UBL3: variants seen among roughly 807,000 people sequenced by gnomAD.
UBL3 encodes the protein ubiquitin like 3.
Under a neutral mutation model 18.4 loss-of-function variants are expected in UBL3, and 6 were observed. The ratio of observed to expected loss-of-function variants is 0.33; its 90% CI spans 0.18 to 0.64. The LOEUF is 0.64. UBL3 is among the 30% of genes least tolerant of loss of function. UBL3 has a pLI of 0.76. For synonymous variants in UBL3, 49 were observed against 46.6 expected (o/e 1.05, Z -0.21); for missense variants, 109 against 142.9 (o/e 0.76, Z 1.21).
At chr13:29,796,391 A>T (rs1048808061) in intron 1 of UBL3, among the ~76,000 whole-genome samples, 3 of 152,220 alleles carry the variant, frequency 2.0e-5, no homozygotes, top group Non-Finnish European at 4.4e-5. Context: ...TTAGATTTTA[A>T]ACTGCAATTA....
At chr13:29,834,403 C>T (rs894602297) in intron 1 of UBL3, among the ~76,000 whole-genome samples, 5 of 151,864 alleles carry the variant, frequency 3.3e-5, no homozygotes, top group Admixed American at 2.0e-4. Context: ...ATAATACAGT[C>T]TTTCTCTTTA....
intron 1 of UBL3, chr13:29,777,541 T>C: frequency 1.9e-6 from 1 of 518,148 alleles, no homozygotes; most frequent in South Asian, 1.6e-5. Flanking sequence ...ATTTAATCAC[T>C]CCAACAATGT....
At chr13:29,842,823 C>T (rs111229611) in intron 1 of UBL3, among the ~76,000 whole-genome samples, 2,266 of 152,186 alleles carry the variant, frequency 0.015, 57 homozygotes, top group African/African-American at 0.05. Flanking sequence ...GAAAATTAGC[C>T]CTCCTAAAAA....
chr13:29,788,870 T>TGTGTGTGTGTGCGCGC (rs1180662351), intron 1 of UBL3, among the ~76,000 whole-genome samples: 6 of 20,882 alleles, frequency 2.9e-4, no homozygotes, highest in Admixed American at 2.6e-3. Context: ...TGTGTGTGTG[T>TGTGTGTGTGTGCGCGC]GCGCGCGCGC....
chr13:29,779,537 G>C (rs1160461339), intron 1 of UBL3, among the ~76,000 whole-genome samples: 2 of 152,116 alleles, frequency 1.3e-5, no homozygotes, highest in African/African-American at 4.8e-5. Flanking sequence ...AAAGGAAATA[G>C]ATTTAGTCTT....
At chr13:29,795,337 G>A (rs911113260) in intron 1 of UBL3, among the ~76,000 whole-genome samples, 1 of 151,880 alleles carries the variant, frequency 6.6e-6, no homozygotes, top group Non-Finnish European at 1.5e-5. Context: ...AAATATCCTA[G>A]GGAACTCCTA....
chr13:29,778,739 C>T (rs1208715206), intron 1 of UBL3, among the ~76,000 whole-genome samples: 1 of 152,118 alleles, frequency 6.6e-6, no homozygotes, highest in Non-Finnish European at 1.5e-5. Flanking sequence ...CAGCACCTCA[C>T]CAATTTGATA....
At chr13:29,769,387 G>A (rs1382421674) in intron 3 of UBL3, among the ~76,000 whole-genome samples, 1 of 152,068 alleles carries the variant, frequency 6.6e-6, no homozygotes, top group African/African-American at 2.4e-5. Flanking sequence ...GAAAGAAGAG[G>A]AATACCAGAA....
At chr13:29,841,234 T>C (rs1566002574) in intron 1 of UBL3, among the ~76,000 whole-genome samples, 2 of 149,724 alleles carry the variant, frequency 1.3e-5, no homozygotes, top group East Asian at 4.0e-4. Context: ...CCAAAAATGC[T>C]ACTAGATTTG....
At position 29,783,421 on chromosome 13, in the gene UBL3, G is replaced by T. The variant is rs754910795; in HGVS notation, c.28-6158C>A. ...AAGCTTGCTACTAGACTAGAGCCATGAATCTGCCTCAGTATGCTTGTCAAG... is the reference window on the plus strand; with the variant it reads ...AAGCTTGCTACTAGACTAGAGCCATTAATCTGCCTCAGTATGCTTGTCAAG... On this transcript the variant is annotated intron_variant, in intron 1 of 4. Coordinates refer to ENST00000380680, the MANE Select transcript of UBL3 (RefSeq NM_007106.4). Among the ~76,000 whole-genome samples, 8 of 152,234 alleles carry T rather than the reference G, an allele frequency of 5.3e-5. No homozygotes were observed. In the South Asian group the frequency reaches 1.2e-3, roughly 24 times the overall value.
At chr13:29,771,422 T>C (rs1876838028) in intron 3 of UBL3, among the ~76,000 whole-genome samples, 1 of 152,096 alleles carries the variant, frequency 6.6e-6, no homozygotes, top group Non-Finnish European at 1.5e-5. Context: ...TAGCTAACAA[T>C]TAAGGTGTTT....
intron 1 of UBL3, among the ~76,000 whole-genome samples, chr13:29,780,384 A>ATG (rs1209205833): frequency 1.7e-4 from 20 of 119,450 alleles, no homozygotes; most frequent in East Asian, 7.1e-4. Context: ...ATATATATAT[A>ATG]TATATATGTG....
At position 29,767,296 on chromosome 13, in the gene UBL3, G is replaced by C. The variant is rs761620878; in HGVS notation, c.313C>G (p.Arg105Gly). 3.1e-6 allele frequency: 5 copies of C among 1,613,144 alleles called. No homozygotes were observed. The East Asian group carries it at 1.1e-4, about 36-fold the overall frequency. ...PEPNSQGQRN[R>G]EKTGESNCCV... ...CAATTACTCTCTCCAGTCTTCTCACGATTCCTCTGACCTAGGGAAAACGAA... is the reference window on the plus strand; with the variant it reads ...CAATTACTCTCTCCAGTCTTCTCACCATTCCTCTGACCTAGGGAAAACGAA... Residue 105 changes from arginine (R) to glycine (G), a missense_variant, in exon 5 of 5, where the codon CGT (arginine) becomes GGT (glycine). Arg to Gly is a moderately radical substitution (Grantham distance 125). Transcript: ENST00000380680.
chr13:29,823,127 T>C lies in UBL3; in HGVS notation c.27+26385A>G, dbSNP rs549311272. 1.7e-3 allele frequency among the ~76,000 whole-genome samples: 261 copies of C among 152,310 alleles called. 2 individuals are homozygous for C. The highest frequency in any genetic ancestry group is 6.0e-3 in the African/African-American group (250 of 41,556). On this transcript the variant is annotated intron_variant, in intron 1 of 4. Coordinates refer to ENST00000380680, the MANE Select transcript of UBL3 (RefSeq NM_007106.4). ...TAGAATGAAAGAATAATAAACCAAA[T>C]AGTAAATTTAGTTTTGTTTTCTTTT...
intron 1 of UBL3, among the ~76,000 whole-genome samples, chr13:29,829,049 G>A (rs556173518): frequency 6.6e-6 from 1 of 152,312 alleles, no homozygotes; most frequent in South Asian, 2.1e-4. Flanking sequence ...TCGTCTCAGA[G>A]GGGTACCTGG....
chr13:29,769,146 T>C (rs1219605495), intron 3 of UBL3, among the ~76,000 whole-genome samples: 1 of 152,090 alleles, frequency 6.6e-6, no homozygotes, highest in Non-Finnish European at 1.5e-5. Flanking sequence ...AAAGAAAGCA[T>C]TCAGTATATA....
At chr13:29,812,170 T>C (rs1593665286) in intron 1 of UBL3, among the ~76,000 whole-genome samples, 1 of 152,068 alleles carries the variant, frequency 6.6e-6, no homozygotes, top group Non-Finnish European at 1.5e-5. Flanking sequence ...GTATTGACAG[T>C]CTTACCATTA....
At chr13:29,829,290 G>C (rs1878707019) in intron 1 of UBL3, among the ~76,000 whole-genome samples, 1 of 152,226 alleles carries the variant, frequency 6.6e-6, no homozygotes, top group African/African-American at 2.4e-5. Context: ...CCCAGAGGTA[G>C]AGTCTACAGA....
At chr13:29,818,348 T>A (rs1232190455) in intron 1 of UBL3, among the ~76,000 whole-genome samples, 1 of 152,174 alleles carries the variant, frequency 6.6e-6, no homozygotes, top group African/African-American at 2.4e-5. Context: ...ACACAGGAAT[T>A]CAGAGACACT....
Sources: gnomAD v4.1 joint callset for allele counts (sites outside exome capture counted in the v4.1 genomes callset) on GRCh38, gnomAD v4.1.1 for gene constraint, MANE v1.5 for transcripts, NCBI Gene and HGNC (gene_info 2026-07-23, HGNC 2026-07-21) for gene names.